DNAJC1: variants seen among roughly 807,000 people sequenced by gnomAD.
DNAJC1 encodes the protein dnaJ homolog subfamily C member 1.
A neutral mutation model predicts 76.6 loss-of-function variants in DNAJC1; 58 were observed. That is an observed-to-expected ratio of 0.76 (90% CI 0.61 to 0.94). The LOEUF is 0.94. DNAJC1 is among the 40% of genes least tolerant of loss of function. DNAJC1 has a pLI of 0.00. For synonymous variants in DNAJC1, 258 were observed against 267.9 expected (o/e 0.96, Z 0.36); for missense variants, 689 against 677.3 (o/e 1.02, Z -0.19).
At chr10:21,947,064 A>G (rs895720881) in intron 1 of DNAJC1, among the ~76,000 whole-genome samples, 2 of 152,186 alleles carry the variant, frequency 1.3e-5, no homozygotes, top group African/African-American at 4.8e-5. Flanking sequence ...GAACTGTAAG[A>G]AAGAAGTATA....
At chr10:21,784,142 A>T (rs1228177396) in intron 9 of DNAJC1, among the ~76,000 whole-genome samples, 1 of 152,252 alleles carries the variant, frequency 6.6e-6, no homozygotes, top group Non-Finnish European at 1.5e-5. Context: ...AATTTTTGCA[A>T]TCTACCCATC....
At chr10:21,765,159 A>T (rs1161756559) in intron 10 of DNAJC1, among the ~76,000 whole-genome samples, 1 of 152,230 alleles carries the variant, frequency 6.6e-6, no homozygotes, top group African/African-American at 2.4e-5. Context: ...TCATTGGCAG[A>T]AAAAGAAATC....
chr10:21,872,992 T>C (rs1426130396), intron 8 of DNAJC1, among the ~76,000 whole-genome samples: 2 of 152,212 alleles, frequency 1.3e-5, no homozygotes, highest in African/African-American at 4.8e-5. Flanking sequence ...ACCCCTGACC[T>C]AACCGGTTAT....
rs1319550008 is a variant in DNAJC1 at position 21,887,400 on chromosome 10, T to C, written c.821-4961A>G. ...CTAGACAAAACTATTTTAAAATTCA[T>C]ATGAAATGAAAAAGAGCCTGAATAG... is the stretch of plus-strand genomic sequence containing the variant. On this transcript the variant is annotated intron_variant, in intron 7 of 11. Transcript: ENST00000376980. 3.9e-5 allele frequency among the ~76,000 whole-genome samples: 6 copies of C among 152,114 alleles called. No individual in the cohort carries two copies. In the East Asian group the frequency reaches 9.7e-4, roughly 24 times the overall value.
chr10:21,759,570 G>C lies in DNAJC1; in HGVS notation c.1196C>G (p.Pro399Arg). Residue 399 changes from proline to arginine, a missense_variant, in exon 11 of 12, where the codon CCC (proline) becomes CGC (arginine). Pro to Arg is a moderately radical substitution (Grantham distance 103). Coordinates refer to ENST00000376980, the MANE Select transcript of DNAJC1 (RefSeq NM_022365.4). ...GGGCAAGGTGGTGGCCGTTTTGATG[G>C]GCCTGGAATTCTGAACTGTCGATTT... ...ELKSTVQNSR[P>R]IKTATTLPDD... is the part of the protein sequence containing the mutation. The C allele has an allele frequency of 6.2e-7, 1 of 1,614,104 alleles. No individual in the cohort carries two copies. The highest frequency in any genetic ancestry group is 8.5e-7 in the Non-Finnish European group (1 of 1,180,028).
intron 3 of DNAJC1, among the ~76,000 whole-genome samples, chr10:21,921,642 G>A (rs1486595601): frequency 6.6e-6 from 1 of 151,984 alleles, no homozygotes; most frequent in Non-Finnish European, 1.5e-5. Flanking sequence ...AAACAATTAA[G>A]TGGCAATTTC....
chr10:21,760,847 A>C (rs1300570339), intron 10 of DNAJC1, among the ~76,000 whole-genome samples: 2 of 152,200 alleles, frequency 1.3e-5, no homozygotes, highest in African/African-American at 2.4e-5. Flanking sequence ...CTATGGAAAT[A>C]ATTACAGATG....
At chr10:21,988,782 G>A (rs1238540069) in intron 1 of DNAJC1, among the ~76,000 whole-genome samples, 1 of 152,024 alleles carries the variant, frequency 6.6e-6, no homozygotes, top group African/African-American at 2.4e-5. Flanking sequence ...ATTTATAAAG[G>A]GTCAACATGA....
At chr10:21,800,703 T>C (rs1425994701) in intron 9 of DNAJC1, among the ~76,000 whole-genome samples, 1 of 152,164 alleles carries the variant, frequency 6.6e-6, no homozygotes, top group Non-Finnish European at 1.5e-5. Flanking sequence ...TACATATCCA[T>C]ACATATACAG....
chr10:21,779,716 T>C (rs567748884), intron 9 of DNAJC1, among the ~76,000 whole-genome samples: 27 of 152,296 alleles, frequency 1.8e-4, no homozygotes, highest in Admixed American at 1.6e-3. Context: ...ACACAGCTCC[T>C]TGCCAGCAAT....
chr10:21,845,061 C>T (rs1835633840), intron 8 of DNAJC1, among the ~76,000 whole-genome samples: 1 of 152,140 alleles, frequency 6.6e-6, no homozygotes, highest in Non-Finnish European at 1.5e-5. Context: ...TGTGTACACA[C>T]AGATTTTTAA....
intron 8 of DNAJC1, among the ~76,000 whole-genome samples, chr10:21,821,121 T>C (rs898139304): frequency 2.0e-5 from 3 of 152,144 alleles, no homozygotes; most frequent in Non-Finnish European, 4.4e-5. Flanking sequence ...CAGCATTCCT[T>C]CCTCCAGAGT....
intron 8 of DNAJC1, among the ~76,000 whole-genome samples, chr10:21,816,852 T>C: frequency 7.4e-6 from 1 of 135,932 alleles, no homozygotes; most frequent in East Asian, 2.4e-4. Context: ...GCCGAGACTC[T>C]GTCTCTTAAA....
At chr10:21,982,717 TAAAA>T (rs576398958) in intron 1 of DNAJC1, among the ~76,000 whole-genome samples, 1 of 127,182 alleles carries the variant, frequency 7.9e-6, no homozygotes, top group Admixed American at 8.1e-5. Context: ...ATAGCTATCA[TAAAA>T]AAAAAAAAAA....
chr10:21,912,833 G>A (rs1235902670), intron 6 of DNAJC1, among the ~76,000 whole-genome samples: 2 of 151,888 alleles, frequency 1.3e-5, no homozygotes, highest in African/African-American at 4.8e-5. Flanking sequence ...GAAGCGAAGG[G>A]GCTAGAAAGG....
chr10:21,849,321 T>TAAAAAAAAAAAAAAAAA (rs1283566162), intron 8 of DNAJC1, among the ~76,000 whole-genome samples: 4 of 63,348 alleles, frequency 6.3e-5, no homozygotes, highest in African/African-American at 6.3e-5. Context: ...AAAAAAAAAG[T>TAAAAAAAAAAAAAAAAA]AAATGCCTAC....
chr10:21,836,040 T>C (rs1835447844), intron 8 of DNAJC1, among the ~76,000 whole-genome samples: 1 of 151,936 alleles, frequency 6.6e-6, no homozygotes, highest in African/African-American at 2.4e-5. Flanking sequence ...TCACCAAAGT[T>C]GAAATGAAGG....
intron 8 of DNAJC1, among the ~76,000 whole-genome samples, chr10:21,827,778 G>A (rs181374034): frequency 3.3e-5 from 5 of 152,232 alleles, no homozygotes; most frequent in Admixed American, 3.3e-4. Flanking sequence ...AGTGGACATG[G>A]ATTTGTTTGG....
At chr10:21,759,037 T>C in intron 11 of DNAJC1, 133 bp downstream of exon 11, 1 of 925,038 alleles carries the variant, frequency 1.1e-6, no homozygotes, top group South Asian at 1.6e-5. Context: ...TACTGGAAGA[T>C]AAATGGGAAA....
Sources: allele counts gnomAD v4.1 joint callset (sites outside exome capture counted in the v4.1 genomes callset), GRCh38; gene constraint gnomAD v4.1.1; transcripts MANE v1.5; gene names NCBI Gene and HGNC (gene_info 2026-07-23, HGNC 2026-07-21).